The following FMN2 variants were observed in gnomAD, a reference collection of about 807,000 sequenced individuals.
The protein encoded by FMN2 is formin-2.
FMN2 carries 51 observed loss-of-function variants against 142.3 expected under a neutral mutation model. The observed-to-expected ratio is 0.36, with a 90% confidence interval of 0.29 to 0.45. The LOEUF is 0.45. Ranked by LOEUF, FMN2 falls within the 20% of genes least tolerant of loss-of-function variation. FMN2 has a pLI of 1.00. For synonymous variants in FMN2, 882 were observed against 869.8 expected, an observed-to-expected ratio of 1.01 and a Z score of -0.25; for missense variants, 1,936 against 2,122.8, an observed-to-expected ratio of 0.91 and a Z score of 1.73.
intron 15 of FMN2, among the ~76,000 whole-genome samples, chr1:240,398,424 C>T (rs1320078441): frequency 6.6e-6 from 1 of 152,130 alleles, no homozygotes; most frequent in Admixed American, 6.5e-5. Flanking sequence ...AAAGCAAAAG[C>T]TGAGGTCAAA....
In FMN2 at chr1:240,329,133, A is replaced by G. The variant is rs1160134381; in HGVS notation, c.4273A>G (p.Lys1425Glu). Reference protein sequence around the residue: ...IEKHGRSSKDKENAKSLDKPE... With the variant: ...IEKHGRSSKDEENAKSLDKPE... ...AAAGCATGGCCGATCTTCCAAAGAC[A>G]AGGAAAATGCCAAGTCTCTGGACAA... Residue 1425 changes from lysine to glutamate, a missense_variant, in exon 9 of 18, where the codon AAG becomes GAG. By Grantham distance (56) the Lys-to-Glu change is moderately conservative. Around this residue, in one of 8 missense-constraint regions of FMN2, gnomAD observed 322 missense variants for 401.6 expected, o/e 0.80. Coordinates refer to ENST00000319653, the MANE Select transcript of FMN2 (RefSeq NM_020066.5). 1 of 1,614,152 alleles carries G rather than the reference A, an allele frequency of 6.2e-7. No homozygotes were observed.
chr1:240,456,149 A>G (rs1465923555), intron 16 of FMN2, among the ~76,000 whole-genome samples: 13 of 152,148 alleles, frequency 8.5e-5, no homozygotes, highest in Non-Finnish European at 1.5e-4. Context: ...GATAATTATT[A>G]TAATATATAC....
At chr1:240,141,770 A>G (rs1260734858) in intron 2 of FMN2, among the ~76,000 whole-genome samples, 3 of 152,164 alleles carry the variant, frequency 2.0e-5, no homozygotes, top group African/African-American at 7.2e-5. Context: ...GGGACAGGAT[A>G]GTTGCTGAGA....
intron 16 of FMN2, chr1:240,458,437 T>C (rs1676324833): frequency 6.6e-6 from 1 of 152,152 alleles, no homozygotes; most frequent in South Asian, 2.1e-4. Context: ...TAAAAGCCCT[T>C]AAGTTCTCCC....
chr1:240,380,853 C>G (rs1378405506), intron 14 of FMN2, among the ~76,000 whole-genome samples: 1 of 151,348 alleles, frequency 6.6e-6, no homozygotes, highest in African/African-American at 2.4e-5. Context: ...CTAGATTAAC[C>G]AAGGAAAAAA....
intron 6 of FMN2, among the ~76,000 whole-genome samples, chr1:240,224,982 A>G (rs1343858689): frequency 6.6e-6 from 1 of 152,132 alleles, no homozygotes; most frequent in Non-Finnish European, 1.5e-5. Flanking sequence ...TGGAGGAAGG[A>G]ACTCAGATAA....
chr1:240,105,835 A>G (rs1374402988), intron 1 of FMN2, among the ~76,000 whole-genome samples: 4 of 152,186 alleles, frequency 2.6e-5, no homozygotes, highest in African/African-American at 9.6e-5. Flanking sequence ...TTACAGTTAT[A>G]TGAGATTTTA....
rs1180428588 is a variant in FMN2 at position 240,230,717 on chromosome 1, T to A, written c.4065+19482T>A. On this transcript the variant is annotated intron_variant, in intron 6 of 17. Coordinates refer to ENST00000319653, the MANE Select transcript of FMN2 (RefSeq NM_020066.5). ...TCTCTTTTAATACTCTCCTGTATAA[T>A]GTTGTTGGTGTTTTTACTTGCAGCT... Among the ~76,000 whole-genome samples, 6 of 132,454 alleles carry A rather than the reference T, an allele frequency of 4.5e-5. 1 individual carries two copies. Among genetic ancestry groups the A allele is most frequent in the African/African-American group, 1.9e-4 (6 of 31,118 alleles). 86.9% of individuals were successfully genotyped at this position (132,454 alleles called of 152,430 possible). A position where few individuals can be genotyped will look rare whatever the true frequency, so the allele number is the denominator to read the frequency against.
intron 14 of FMN2, among the ~76,000 whole-genome samples, chr1:240,365,602 A>G (rs946048685): frequency 1.2e-4 from 19 of 152,222 alleles, no homozygotes; most frequent in African/African-American, 2.9e-4. Context: ...CTCATTTTCT[A>G]TAGTTAGGTT....
At position 240,207,159 on chromosome 1, in the gene FMN2, T is replaced by A; in HGVS notation, c.2347T>A (p.Ser783Thr). The A allele has an allele frequency of 1.2e-6, 2 of 1,614,056 alleles. No homozygotes were observed. Among genetic ancestry groups the A allele is most frequent in the Non-Finnish European group, 1.7e-6 (2 of 1,179,970 alleles). Reference sequence around the variant, plus strand: ...AAGTGGACCTCAGACAAAGTTCTGTTCAGAGATTTCTTTGATTGTGTCTCC... The same window carrying A: ...AAGTGGACCTCAGACAAAGTTCTGTACAGAGATTTCTTTGATTGTGTCTCC... ...AESGPQTKFC[S>T]EISLIVSPRR... Residue 783 changes from serine (S) to threonine (T), a missense_variant, in exon 5 of 18, where the codon TCA (serine) becomes ACA (threonine). Coordinates refer to ENST00000319653, the MANE Select transcript of FMN2 (RefSeq NM_020066.5).
rs560019457 is a variant in FMN2 at position 240,460,743 on chromosome 1, G to T, written c.5061-11629G>T. On this transcript the variant is annotated intron_variant, in intron 16 of 17. Coordinates refer to ENST00000319653, the MANE Select transcript of FMN2 (RefSeq NM_020066.5). ...GAAAGTAAAATATTAAAAACATTCT[G>T]AAAATCACGTATTTATTAAACAATA... Among the ~76,000 whole-genome samples, 14 of 151,852 alleles carry T rather than the reference G, an allele frequency of 9.2e-5. No homozygotes were observed. In the South Asian group the frequency reaches 2.5e-3, roughly 27 times the overall value.
intron 4 of FMN2, among the ~76,000 whole-genome samples, chr1:240,195,425 C>T (rs1022312006): frequency 6.6e-6 from 1 of 152,206 alleles, no homozygotes; most frequent in African/African-American, 2.4e-5. Flanking sequence ...TGCAAGAAGG[C>T]TGTGATGTGC....
chr1:240,281,812 T>G (rs994099338), intron 7 of FMN2, among the ~76,000 whole-genome samples: 1 of 152,220 alleles, frequency 6.6e-6, no homozygotes, highest in Non-Finnish European at 1.5e-5. Flanking sequence ...TAGAGCAATT[T>G]ATACACTGAC....
chr1:240,212,373 A>C (rs1666724366), intron 6 of FMN2, among the ~76,000 whole-genome samples: 1 of 152,180 alleles, frequency 6.6e-6, no homozygotes, highest in Non-Finnish European at 1.5e-5. Flanking sequence ...TTAATCTGAG[A>C]ATAATGTAAA....
At chr1:240,176,507 C>T (rs950802926) in intron 2 of FMN2, among the ~76,000 whole-genome samples, 1 of 152,184 alleles carries the variant, frequency 6.6e-6, no homozygotes, top group Non-Finnish European at 1.5e-5. Flanking sequence ...GGAGGTAGCA[C>T]TCTCCGGCTG....
In FMN2 at chr1:240,328,168, A is replaced by AAAAAG. The variant is rs1192510912; in HGVS notation, c.4216-903_4216-899dup. Among the ~76,000 whole-genome samples the AAAAAG allele has an allele frequency of 7.8e-3, 1,061 of 135,594 alleles. 16 individuals are homozygous for AAAAAG. The highest frequency in any genetic ancestry group is 0.015 in the East Asian group (70 of 4,530). 89.0% of individuals were successfully genotyped at this position (135,594 alleles called of 152,430 possible). A position where few individuals can be genotyped will look rare whatever the true frequency, so the allele number is the denominator to read the frequency against. ...ATCTCAAAAAAAAAAAAAAAAAAAAAAAAAGAAAAAGAAAATCCAGCAAAA... is the reference window on the plus strand; with the variant it reads ...ATCTCAAAAAAAAAAAAAAAAAAAAAAAAAGAAAAGAAAAAGAAAATCCAGCAAAA... On this transcript the variant is annotated intron_variant, in intron 8 of 17. Transcript: ENST00000319653.
At chr1:240,241,800 A>C (rs1017873832) in intron 6 of FMN2, among the ~76,000 whole-genome samples, 2 of 94,132 alleles carry the variant, frequency 2.1e-5, no homozygotes, top group Admixed American at 2.4e-4. Context: ...GGTAGGTATC[A>C]TTTTCTTTAT....
intron 7 of FMN2, among the ~76,000 whole-genome samples, chr1:240,273,687 AG>A (rs5782131): frequency 0.41 from 62,090 of 151,630 alleles, 13,129 homozygotes; most frequent in East Asian, 0.55. Flanking sequence ...ACACACAGGG[AG>A]GAAAAAGATG....
intron 13 of FMN2, chr1:240,341,542 C>T (rs914347944): frequency 6.6e-6 from 1 of 151,684 alleles, no homozygotes; most frequent in African/African-American, 2.4e-5. Flanking sequence ...AAATAAAATT[C>T]AGTTGGAACA....
Sources: allele counts gnomAD v4.1 joint callset (sites outside exome capture counted in the v4.1 genomes callset), GRCh38; gene constraint gnomAD v4.1.1; regional missense constraint gnomAD v4.1.1; transcripts MANE v1.5; gene names NCBI Gene and HGNC (gene_info 2026-07-23, HGNC 2026-07-21).